Variants in UNC45B observed in about 807,000 individuals in gnomAD.
UNC45B encodes protein unc-45 homolog B.
In UNC45B, 78 loss-of-function variants were observed where a neutral mutation model predicts 98.7. That is an observed-to-expected ratio of 0.79 (90% CI 0.66 to 0.95). The LOEUF (loss-of-function observed/expected upper bound fraction) is 0.95, where lower values mean the gene tolerates loss of function less well. Among genes scored for constraint, UNC45B ranks in the 40% least tolerant of loss-of-function variants. The pLI is 0.00. For missense variants in UNC45B, 1,225 were observed against 1,184.9 expected (o/e 1.03, Z -0.50); for synonymous variants, 462 against 480.4 (o/e 0.96, Z 0.50).
At position 35,170,099 on chromosome 17, in the gene UNC45B, C is replaced by T. The variant is rs146226846; in HGVS notation, c.1548-15C>T. 5.9e-5 allele frequency: 94 copies of T among 1,605,222 alleles called. No individual in the cohort carries two copies. The African/African-American group carries it at 1.2e-3, about 21-fold the overall frequency. On this transcript the variant is annotated splice_polypyrimidine_tract_variant and intron_variant, in intron 11 of 19. Coordinates refer to ENST00000394570, the MANE Select transcript of UNC45B (RefSeq NM_001267052.2). ...CCTGGGCCCCTTCCCATGTGTGCTC[C>T]CTCCTCACTTCCAGGTGGCTGTGCA...
chr17:35,171,226 C>G lies in UNC45B; in HGVS notation c.1690-96C>G, dbSNP rs570401987. The G allele has an allele frequency of 2.0e-6, 3 of 1,523,936 alleles. No individual in the cohort carries two copies. In the Admixed American group the frequency reaches 5.5e-5, roughly 28 times the overall value. 94.4% of individuals were successfully genotyped at this position (1,523,936 alleles called of 1,614,324 possible). On this transcript the variant is annotated intron_variant, in intron 12 of 19. Transcript: ENST00000394570. ...CCCTACCAGCTGCACTCCTCCGACA[C>G]CAACCTGCCGGCCACGTGAGGGAGC...
chr17:35,154,548 AC>A, intron 5 of UNC45B, 25 bp from the exon 6 acceptor site: 2 of 1,606,134 alleles, frequency 1.2e-6, no homozygotes, highest in South Asian at 2.2e-5. Context: ...CTCCCTCGTA[AC>A]CCTTATTGCC....
At chr17:35,174,140 T>C in intron 13 of UNC45B, 102 bp from the exon 14 acceptor site, 3 of 1,525,696 alleles carry the variant, frequency 2.0e-6, no homozygotes, top group South Asian at 2.4e-5. Flanking sequence ...AGGCCATTAT[T>C]CAACCAACCC....
chr17:35,186,248 T>C (rs780953216), intron 19 of UNC45B, 51 bp from the exon 20 acceptor site: 28 of 1,598,254 alleles, frequency 1.8e-5, no homozygotes, highest in Non-Finnish European at 2.6e-6. Flanking sequence ...ACATGAACTC[T>C]GGGGACACAC....
At chr17:35,180,734 A>T in intron 18 of UNC45B, 58 bp downstream of exon 18, 1 of 1,378,388 alleles carries the variant, frequency 7.3e-7, no homozygotes, top group African/African-American at 1.4e-5. Context: ...GAGGCAGGCC[A>T]GGGTCAGGGC....
rs928566453 is a variant in UNC45B, at chr17:35,170,555, G to T, written c.1689+300G>T. Among the ~76,000 whole-genome samples, 9 of 134,342 alleles carry T rather than the reference G, an allele frequency of 6.7e-5. No individual in the cohort carries two copies. The East Asian group carries it at 1.8e-3, about 27-fold the overall frequency. The allele number at this position is 134,342 out of a possible 152,430, so 88.1% of individuals were successfully genotyped here. A position where few individuals can be genotyped will look rare whatever the true frequency, so the allele number is the denominator to read the frequency against. Reference sequence around the variant, plus strand: ...AAAAAAAAAAAAAAAAAAAAAAAAAGCAGGGCATCGTAGCACGTGCCTGTA... The same window carrying T: ...AAAAAAAAAAAAAAAAAAAAAAAAATCAGGGCATCGTAGCACGTGCCTGTA... On this transcript the variant is annotated intron_variant, in intron 12 of 19. Transcript: ENST00000394570.
At chr17:35,151,984 G>A (rs1377879615) in intron 4 of UNC45B, among the ~76,000 whole-genome samples, 3 of 152,310 alleles carry the variant, frequency 2.0e-5, no homozygotes, top group Non-Finnish European at 2.9e-5. Context: ...GGTGGCTCAC[G>A]CCTGTAATCC....
intron 5 of UNC45B, among the ~76,000 whole-genome samples, chr17:35,153,715 T>G (rs1597906513): frequency 1.3e-5 from 2 of 152,014 alleles, no homozygotes; most frequent in South Asian, 4.1e-4. Context: ...TATTTGGTTT[T>G]TTTTTTTTTG....
At chr17:35,149,738 G>A (rs1397657862) in intron 3 of UNC45B, among the ~76,000 whole-genome samples, 1 of 152,154 alleles carries the variant, frequency 6.6e-6, no homozygotes, top group African/African-American at 2.4e-5. Flanking sequence ...TGAGGAGGAG[G>A]GAGCTCCCCA....
In UNC45B at chr17:35,170,237, C is replaced by A; in HGVS notation, c.1671C>A (p.Ala557=). The A allele has an allele frequency of 6.2e-7, 1 of 1,610,512 alleles. No individual in the cohort carries two copies. ...TCCAGGACGTCCCTGCCCTGCAGGCCATGTTTGAGCTGGCCAAGGCAGGTG... is the reference window on the plus strand; with the variant it reads ...TCCAGGACGTCCCTGCCCTGCAGGCAATGTTTGAGCTGGCCAAGGCAGGTG... ...DFVQDVPALQ[A]MFELAKTSDK... Residue 557 remains alanine, a synonymous_variant, in exon 12 of 20, where the codon GCC becomes GCA. Transcript: ENST00000394570.
At position 35,167,926 on chromosome 17, in the gene UNC45B, G is replaced by A. The variant is rs919595208; in HGVS notation, c.1152-135G>A. The A allele has an allele frequency of 8.2e-5, 60 of 730,576 alleles. No individual in the cohort carries two copies. In the East Asian group the frequency reaches 1.4e-3, roughly 17 times the overall value. 45.3% of individuals were successfully genotyped at this position (730,576 alleles called of 1,614,324 possible). On this transcript the variant is annotated intron_variant, in intron 9 of 19. Coordinates refer to ENST00000394570, the MANE Select transcript of UNC45B (RefSeq NM_001267052.2). ...CAGGAGCTGAGGCTCAGAGAGGTTC[G>A]CTGAATTGCCCAATATCACACAGCA...
chr17:35,150,075 A>T lies in UNC45B; in HGVS notation c.233A>T (p.Lys78Met). The change falls in exon 4 of 20, where the codon AAG becomes ATG. Residue 78 changes from lysine to methionine, a missense_variant. Physicochemically the swap from Lys to Met is moderately conservative, Grantham distance 95 (BLOSUM62 -1). Transcript: ENST00000394570. ...ATCGACATCAACTCCTCGGACATCA[A>T]GGCTCTGTATCGGCGATGCCAGGCA... The part of the protein sequence containing the change: ...RAIDINSSDI[K>M]ALYRRCQALE... 1.2e-6 allele frequency: 2 copies of T among 1,611,056 alleles called. No homozygotes were observed. The highest frequency in any genetic ancestry group is 1.7e-6 in the Non-Finnish European group (2 of 1,178,542).
At chr17:35,149,057 A>G (rs765733106) in intron 3 of UNC45B, 48 bp downstream of exon 3, 3 of 1,610,138 alleles carry the variant, frequency 1.9e-6, no homozygotes, top group South Asian at 2.2e-5. Flanking sequence ...TCTCCTCTGC[A>G]TGGCCTGGGT....
chr17:35,156,675 TA>T (rs573032694), intron 7 of UNC45B, among the ~76,000 whole-genome samples: 37 of 152,124 alleles, frequency 2.4e-4, no homozygotes, highest in Non-Finnish European at 4.3e-4. Flanking sequence ...TACCACAGCT[TA>T]AAAAAAGTAA....
chr17:35,181,408 A>G (rs1260637496), intron 18 of UNC45B, among the ~76,000 whole-genome samples: 1 of 152,182 alleles, frequency 6.6e-6, no homozygotes, highest in Non-Finnish European at 1.5e-5. Flanking sequence ...GGGCCCTCAC[A>G]TAGGGGCTAG....
Position 35,177,175 on chromosome 17 carries a change from T to C in UNC45B, c.2139+45T>C, listed in dbSNP as rs78278095. ...GGATAGGGCAATGGGAGGGGTCTCC[T>C]TTGCTCCTAGAGGCCTTTCCCCTTG... On this transcript the variant is annotated intron_variant, in intron 16 of 19. Coordinates refer to ENST00000394570, the MANE Select transcript of UNC45B (RefSeq NM_001267052.2). 0.095 allele frequency: 147,072 copies of C among 1,545,510 alleles called. 7,401 individuals carry two copies. The highest frequency in any genetic ancestry group is 0.11 in the East Asian group (5,044 of 44,418).
At chr17:35,148,117 G>A (rs2091987131) in intron 1 of UNC45B, 147 bp from the exon 2 acceptor site, 1 of 827,216 alleles carries the variant, frequency 1.2e-6, no homozygotes, top group Non-Finnish European at 1.9e-6. Flanking sequence ...TAGATTTGGG[G>A]GTTCTGGGGG....
chr17:35,176,137 C>A, intron 15 of UNC45B, 103 bp downstream of exon 15: 2 of 1,152,784 alleles, frequency 1.7e-6, no homozygotes, highest in Non-Finnish European at 1.3e-6. Context: ...TGGAATACGG[C>A]CACCAGTTAT....
intron 14 of UNC45B, among the ~76,000 whole-genome samples, chr17:35,175,104 G>T (rs916285539): frequency 7.5e-6 from 1 of 133,172 alleles, no homozygotes; most frequent in Non-Finnish European, 1.6e-5. Context: ...AAAGAAAAAA[G>T]AAAAGAAAGA....
Sources: gnomAD v4.1 joint callset for allele counts (sites outside exome capture counted in the v4.1 genomes callset) on GRCh38, gnomAD v4.1.1 for gene constraint, MANE v1.5 for transcripts, NCBI Gene and HGNC (gene_info 2026-07-23, HGNC 2026-07-21) for gene names.